PCID2: variants seen among roughly 807,000 people sequenced by gnomAD.
PCID2 encodes the protein PCI domain-containing protein 2.
A neutral mutation model predicts 61.3 loss-of-function variants in PCID2; 41 were observed. That is an observed-to-expected ratio of 0.67 (90% CI 0.52 to 0.87). The LOEUF (loss-of-function observed/expected upper bound fraction) is 0.87, where lower values mean the gene tolerates loss of function less well. PCID2 is among the 40% of genes least tolerant of loss of function. The pLI is 0.00. For synonymous variants in PCID2, 187 were observed against 177.8 expected (o/e 1.05, Z -0.41); for missense variants, 392 against 493.4 (o/e 0.79, Z 1.95).
At chr13:113,208,293 C>T in intron 1 of PCID2, 1 of 1,431,934 alleles carries the variant, frequency 7.0e-7, no homozygotes, top group East Asian at 2.5e-5. Context: ...CGCCTGGGAG[C>T]GCGGCCACAC....
intron 6 of PCID2, among the ~76,000 whole-genome samples, chr13:113,192,069 G>A (rs2038665245): frequency 6.6e-6 from 1 of 152,096 alleles, no homozygotes; most frequent in South Asian, 2.1e-4. Flanking sequence ...ACCAGCCTGG[G>A]CAATATGGCA....
At chr13:113,168,282 G>A in the PCID2 span, among the ~76,000 whole-genome samples, 5 of 151,408 alleles carry the variant, frequency 3.3e-5, no homozygotes, top group Non-Finnish European at 7.4e-5. Context: ...GTAAATCCAG[G>A]CCTCCCTCTG....
chr13:113,188,354 T>C (rs530568465), intron 7 of PCID2: 1 of 152,208 alleles, frequency 6.6e-6, no homozygotes, highest in Non-Finnish European at 1.5e-5. Context: ...GCACTATACA[T>C]CTTGTAGGCT....
intron 7 of PCID2, among the ~76,000 whole-genome samples, chr13:113,189,189 G>A (rs2038385218): frequency 6.6e-6 from 1 of 152,048 alleles, no homozygotes; most frequent in South Asian, 2.1e-4. Flanking sequence ...CATGTAGTGG[G>A]CTCCTCTTTG....
intron 2 of PCID2, 107 bp from the exon 3 acceptor site, chr13:113,198,371 C>T (rs2039172797): frequency 1.4e-6 from 1 of 704,508 alleles, no homozygotes; most frequent in Non-Finnish European, 2.4e-6. Flanking sequence ...TTATGCTTTA[C>T]AGTTCACAGT....
chr13:113,197,200 T>C lies in PCID2; in HGVS notation c.244A>G (p.Lys82Glu). ...TATTGGACTATCACGGTCTGGCACT[T>C]GTATGCCTCTATGAAGTCATGATTC... The part of the protein sequence containing the change: ...VGNHDFIEAY[K>E]CQTVIVQSFL... The change falls in exon 4 of 14, where the codon AAG becomes GAG. Residue 82 changes from lysine (K) to glutamate (E), a missense_variant. Lys to Glu is a moderately conservative substitution (Grantham distance 56, BLOSUM62 1). Coordinates refer to ENST00000337344, the MANE Select transcript of PCID2 (RefSeq NM_001127202.4). The C allele has an allele frequency of 6.2e-7, 1 of 1,614,130 alleles. No homozygotes were observed. The highest frequency in any genetic ancestry group is 8.5e-7 in the Non-Finnish European group (1 of 1,179,972).
chr13:113,197,658 C>T (rs958834025), intron 3 of PCID2, among the ~76,000 whole-genome samples: 3 of 152,200 alleles, frequency 2.0e-5, no homozygotes, highest in African/African-American at 7.2e-5. Flanking sequence ...CGGTGGTGCC[C>T]CAACTCTTCC....
chr13:113,193,911 C>T (rs2038805287), intron 6 of PCID2, among the ~76,000 whole-genome samples: 1 of 152,180 alleles, frequency 6.6e-6, no homozygotes, highest in Non-Finnish European at 1.5e-5. Flanking sequence ...TGTTTTTTCT[C>T]ATTTGAAATC....
Position 113,179,436 on chromosome 13 carries a change from C to G in PCID2, c.987-347G>C. 6.6e-6 allele frequency among the ~76,000 whole-genome samples: 1 copy of G among 152,234 alleles called. No homozygotes were observed. Among genetic ancestry groups the G allele is most frequent in the South Asian group, 2.1e-4 (1 of 4,822 alleles). ...TCCCTACTGTTTGTGACGTGCTACCCACAGCTCTATACAAAGTTGGCCTTT... is the reference window on the plus strand; with the variant it reads ...TCCCTACTGTTTGTGACGTGCTACCGACAGCTCTATACAAAGTTGGCCTTT... On this transcript the variant is annotated intron_variant, in intron 12 of 13. Transcript: ENST00000337344. This position sits in a 1 kb window ranked among gnomAD's most constrained non-coding sequence, Gnocchi z 4.3.
chr13:113,198,343 C>A (rs2138887733), intron 2 of PCID2, 79 bp from the exon 3 acceptor site: 1 of 846,296 alleles, frequency 1.2e-6, no homozygotes, highest in East Asian at 2.4e-5. Context: ...GAGATTTAAA[C>A]CTCTGTTTCA....
chr13:113,176,027 C>G (rs1234580269), downstream of PCID2, among the ~76,000 whole-genome samples: 1 of 152,248 alleles, frequency 6.6e-6, no homozygotes, highest in Non-Finnish European at 1.5e-5. Context: ...CCCCGCCCAG[C>G]CCGGAAGAAA....
downstream of PCID2, among the ~76,000 whole-genome samples, chr13:113,176,523 A>G (rs2037190069): frequency 2.6e-5 from 4 of 152,272 alleles, no homozygotes; most frequent in Admixed American, 6.5e-5. Context: ...GCACTTTGGG[A>G]GGCCGAGGTG....
chr13:113,176,932 C>T (rs1403026008), downstream of PCID2, among the ~76,000 whole-genome samples: 2 of 152,186 alleles, frequency 1.3e-5, no homozygotes, highest in Non-Finnish European at 1.5e-5. Context: ...GAAATACATT[C>T]CTGTTGCTTA....
Position 113,184,498 on chromosome 13 carries a change from T to C in PCID2, c.544-11A>G. 1.3e-6 allele frequency: 2 copies of C among 1,499,038 alleles called. No homozygotes were observed. Among genetic ancestry groups the C allele is most frequent in the Non-Finnish European group, 1.9e-6 (2 of 1,078,634 alleles). 92.9% of individuals were successfully genotyped at this position (1,499,038 alleles called of 1,614,324 possible). ...ATGGAGTTTGTTGATCTATAATGAA[T>C]AACAATCCATTTAAAATATTTAAAA... On this transcript the variant is annotated splice_polypyrimidine_tract_variant and intron_variant, in intron 8 of 13. Coordinates refer to ENST00000337344, the MANE Select transcript of PCID2 (RefSeq NM_001127202.4).
At chr13:113,171,535 A>C in the PCID2 span, 1 of 1,609,858 alleles carries the variant, frequency 6.2e-7, no homozygotes, top group Non-Finnish European at 8.5e-7. The surrounding 1 kb of genome is among the most constrained non-coding windows in gnomAD (Gnocchi z 5.1). Context: ...AGCTCGTTTG[A>C]GCATTATGTC....
chr13:113,178,916 C>A (rs530324731), intron 13 of PCID2, 50 bp downstream of exon 13: 2 of 1,564,410 alleles, frequency 1.3e-6, no homozygotes, highest in Admixed American at 3.9e-5. Context: ...AAATTCTGGG[C>A]TGAATCTTGC....
At chr13:113,170,670 T>TA in the PCID2 span, 46 of 653,974 alleles carry the variant, frequency 7.0e-5, 1 homozygote, top group African/African-American at 7.4e-4. Context: ...CTGAGATACT[T>TA]ATCAACTCAG....
intron 5 of PCID2, among the ~76,000 whole-genome samples, chr13:113,195,857 T>C (rs1373664977): frequency 6.6e-6 from 1 of 152,214 alleles, no homozygotes; most frequent in Non-Finnish European, 1.5e-5. Flanking sequence ...CTACCTCTTT[T>C]ATCTAAGGTT....
intron 6 of PCID2, among the ~76,000 whole-genome samples, chr13:113,194,355 C>T (rs948216318): frequency 2.6e-5 from 4 of 152,034 alleles, no homozygotes; most frequent in South Asian, 2.1e-4. Context: ...AGGTTTCTAA[C>T]GCGCCCAGTC....
Sources: allele counts gnomAD v4.1 joint callset (sites outside exome capture counted in the v4.1 genomes callset), GRCh38; gene constraint gnomAD v4.1.1; non-coding constraint Gnocchi (gnomAD v3.1); transcripts MANE v1.5; gene names NCBI Gene and HGNC (gene_info 2026-07-23, HGNC 2026-07-21).